The following AFAP1 variants were observed in gnomAD, a reference collection of about 807,000 sequenced individuals.
The protein encoded by AFAP1 is actin filament-associated protein 1.
A neutral mutation model predicts 93.9 loss-of-function variants in AFAP1; 75 were observed. The observed-to-expected ratio is 0.80, with a 90% CI of 0.66 to 0.97. The LOEUF is 0.97. Ranked by LOEUF, AFAP1 falls within the 50% of genes least tolerant of loss-of-function variation. The probability of loss-of-function intolerance (pLI) is 0.00; values close to 1 mark genes in which losing one functional copy is unlikely to be tolerated. For synonymous variants in AFAP1, 517 were observed against 430.7 expected, an observed-to-expected ratio of 1.20 and a Z score of -2.48; for missense variants, 1,201 against 1,050.8, an observed-to-expected ratio of 1.14 and a Z score of -1.98.
At chr4:7,903,490 C>A (rs917442080) in intron 1 of AFAP1, among the ~76,000 whole-genome samples, 2 of 152,182 alleles carry the variant, frequency 1.3e-5, no homozygotes, top group African/African-American at 4.8e-5. Flanking sequence ...GATCAGCCGA[C>A]CAACACGGGG....
chr4:7,899,506 A>C (rs1718994400), intron 1 of AFAP1, among the ~76,000 whole-genome samples: 1 of 152,256 alleles, frequency 6.6e-6, no homozygotes, highest in African/African-American at 2.4e-5. Flanking sequence ...GCAGACCTCA[A>C]AAACTTCTTT....
intron 8 of AFAP1, among the ~76,000 whole-genome samples, chr4:7,814,632 C>T (rs1452176232): frequency 6.6e-6 from 1 of 152,186 alleles, no homozygotes; most frequent in Non-Finnish European, 1.5e-5. Context: ...GACGACTCTC[C>T]GACGCAGCGT....
intron 3 of AFAP1, 128 bp from the exon 4 acceptor site, chr4:7,855,702 T>G: frequency 1.3e-6 from 1 of 765,586 alleles, no homozygotes; most frequent in Non-Finnish European, 2.2e-6. Flanking sequence ...AAAGAGAACC[T>G]CATCCTACGA....
At chr4:7,769,922 G>A (rs1385416167) in intron 16 of AFAP1, among the ~76,000 whole-genome samples, 1 of 152,206 alleles carries the variant, frequency 6.6e-6, no homozygotes, top group African/African-American at 2.4e-5. Flanking sequence ...AGTAGTGAGT[G>A]AATACAATGG....
chr4:7,887,924 T>C (rs1395183163), intron 1 of AFAP1, among the ~76,000 whole-genome samples: 1 of 152,158 alleles, frequency 6.6e-6, no homozygotes, highest in African/African-American at 2.4e-5. Flanking sequence ...TCTCACAGGT[T>C]CAAGCGATAC....
chr4:7,933,171 C>T (rs116595371), intron 1 of AFAP1, among the ~76,000 whole-genome samples: 6 of 152,098 alleles, frequency 3.9e-5, no homozygotes, highest in African/African-American at 1.4e-4. Context: ...TTCTAACCCC[C>T]GAGACCTGTG....
intron 13 of AFAP1, chr4:7,779,140 T>A: frequency 2.4e-6 from 1 of 414,308 alleles, no homozygotes; most frequent in African/African-American, 2.1e-5. Context: ...CCCTTTCTAC[T>A]GGCAGACCAC....
chr4:7,780,103 CAT>C lies in AFAP1; in HGVS notation c.1783-1229_1783-1228del, dbSNP rs547868934. On this transcript the variant is annotated intron_variant, in intron 13 of 17. Transcript: ENST00000420658. Reference sequence around the variant, plus strand: ...ATGCCAATAAAAAGACATGTAGAAACATAGAGGGAGAAACTTTCGCTTAGTGA... The same window carrying C: ...ATGCCAATAAAAAGACATGTAGAAACAGAGGGAGAAACTTTCGCTTAGTGA... Among the ~76,000 whole-genome samples, 171 of 152,252 alleles carry C rather than the reference CAT, an allele frequency of 1.1e-3. 1 individual carries two copies. Among genetic ancestry groups the C allele is most frequent in the Middle Eastern group, 6.8e-3 (2 of 294 alleles).
chr4:7,821,687 G>A (rs1720985943), intron 6 of AFAP1, among the ~76,000 whole-genome samples: 1 of 152,042 alleles, frequency 6.6e-6, no homozygotes, highest in Non-Finnish European at 1.5e-5. Context: ...CTTCTTCTGG[G>A]CAAAAAAGAA....
chr4:7,854,753 T>G (rs1050976729), intron 4 of AFAP1, among the ~76,000 whole-genome samples: 2 of 152,210 alleles, frequency 1.3e-5, no homozygotes, highest in African/African-American at 4.8e-5. Context: ...ATTCCATTAG[T>G]TGACATACAT....
chr4:7,828,169 G>A (rs1207811133), intron 6 of AFAP1, among the ~76,000 whole-genome samples: 4 of 152,096 alleles, frequency 2.6e-5, no homozygotes, highest in African/African-American at 9.7e-5. Context: ...TATGGTACCT[G>A]CACAGCACAT....
intron 1 of AFAP1, among the ~76,000 whole-genome samples, chr4:7,906,326 G>A (rs1719399617): frequency 6.6e-6 from 1 of 152,074 alleles, no homozygotes; most frequent in Non-Finnish European, 1.5e-5. Context: ...AACTGCTGAG[G>A]GAATAAAATC....
chr4:7,869,899 C>A (rs1716877653), intron 2 of AFAP1, among the ~76,000 whole-genome samples: 1 of 152,042 alleles, frequency 6.6e-6, no homozygotes, highest in Non-Finnish European at 1.5e-5. Flanking sequence ...AATTAAAGAG[C>A]TGAAGAAAGA....
intron 14 of AFAP1, chr4:7,775,707 T>C (rs1716038321): frequency 6.6e-6 from 1 of 152,198 alleles, no homozygotes; most frequent in Non-Finnish European, 1.5e-5. Context: ...CAGCTTACAC[T>C]TGTAGCTGCA....
At chr4:7,925,557 A>G (rs1255089721) in intron 1 of AFAP1, among the ~76,000 whole-genome samples, 2 of 151,460 alleles carry the variant, frequency 1.3e-5, no homozygotes, top group African/African-American at 2.4e-5. Context: ...TACTAAAAAT[A>G]CAAAATTAGC....
In AFAP1 at chr4:7,798,321, GGCATTGCAACTCTATTGGCTGGCTCACA is replaced by G. The variant is rs1560165226; in HGVS notation, c.1266+2093_1266+2120del. ...ATTGCAACCCTATTGGCTGGCTCAC[GGCATTGCAACTCTATTGGCTGGCTCACA>G]GCACTGCAACTCTATTGGCTGGCTC... On this transcript the variant is annotated intron_variant, in intron 10 of 17. Transcript: ENST00000420658. 4.0e-3 allele frequency among the ~76,000 whole-genome samples: 429 copies of G among 107,250 alleles called. 16 individuals carry two copies. The highest frequency in any genetic ancestry group is 0.012 in the African/African-American group (352 of 28,718). 70.4% of individuals were successfully genotyped at this position (107,250 alleles called of 152,430 possible).
chr4:7,898,072 C>T (rs1718890498), intron 1 of AFAP1, among the ~76,000 whole-genome samples: 1 of 152,182 alleles, frequency 6.6e-6, no homozygotes, highest in African/African-American at 2.4e-5. Flanking sequence ...CTCATCCTTC[C>T]CAACCAGGTC....
chr4:7,899,326 T>G (rs1317465003), intron 1 of AFAP1, among the ~76,000 whole-genome samples: 2 of 152,108 alleles, frequency 1.3e-5, no homozygotes, highest in African/African-American at 4.8e-5. Flanking sequence ...GCCTAGCAAG[T>G]TCCTACTACA....
intron 1 of AFAP1, among the ~76,000 whole-genome samples, chr4:7,934,995 T>C (rs1397149259): frequency 6.6e-6 from 1 of 151,978 alleles, no homozygotes; most frequent in Non-Finnish European, 1.5e-5. Flanking sequence ...AATTTGATGT[T>C]CCCCAAAAAT....
Sources: gnomAD v4.1 joint callset for allele counts (sites outside exome capture counted in the v4.1 genomes callset) on GRCh38, gnomAD v4.1.1 for gene constraint, MANE v1.5 for transcripts, NCBI Gene and HGNC (gene_info 2026-07-23, HGNC 2026-07-21) for gene names.